DYNC1I2: variants seen among roughly 807,000 people sequenced by gnomAD.
The protein encoded by DYNC1I2 is dynein cytoplasmic 1 intermediate chain 2.
Under a neutral mutation model 88.6 loss-of-function variants are expected in DYNC1I2, and 53 were observed. The ratio of observed to expected loss-of-function variants is 0.60; its 90% confidence interval spans 0.48 to 0.75. DYNC1I2 has a LOEUF of 0.75. Ranked by LOEUF, DYNC1I2 falls within the 30% of genes least tolerant of loss-of-function variation. The pLI, the probability that DYNC1I2 is intolerant of heterozygous loss-of-function variation, is 0.00. For synonymous variants in DYNC1I2, 198 were observed against 254.6 expected (o/e 0.78, Z 2.12); for missense variants, 458 against 766.6 (o/e 0.60, Z 4.75).
chr2:171,733,326 T>G (rs190455024), intron 15 of DYNC1I2, among the ~76,000 whole-genome samples: 125 of 152,340 alleles, frequency 8.2e-4, no homozygotes, highest in African/African-American at 2.9e-3. Flanking sequence ...ATATACCCAG[T>G]AATGGGATTG....
chr2:171,717,380 G>T (rs1213317031), intron 7 of DYNC1I2, among the ~76,000 whole-genome samples: 1 of 152,150 alleles, frequency 6.6e-6, no homozygotes, highest in Non-Finnish European at 1.5e-5. Flanking sequence ...CTCCCAAAGT[G>T]CTGGGATTAC....
chr2:171,699,853 C>G (rs933751329), intron 3 of DYNC1I2, among the ~76,000 whole-genome samples: 1 of 151,860 alleles, frequency 6.6e-6, no homozygotes, highest in Non-Finnish European at 1.5e-5. Context: ...GTTACCCAGG[C>G]TGGTTTCAAG....
At position 171,747,863 on chromosome 2, in the gene DYNC1I2, G is replaced by A; in HGVS notation, c.1891G>A (p.Glu631Lys). The A allele has an allele frequency of 3.7e-6, 6 of 1,610,996 alleles. No individual in the cohort carries two copies. The highest frequency in any genetic ancestry group is 5.1e-6 in the Non-Finnish European group (6 of 1,179,310). ...TGCAAACCGAGCTGATGCAGAGGAG[G>A]AAGCAGCTACCCGAATACCTGCTTA... ...INANRADAEE[E>K]AATRIPA The change falls in exon 18 of 18, where the codon GAA becomes AAA. Residue 631 changes from glutamate (E) to lysine (K), a missense_variant. Glu to Lys is a moderately conservative substitution (Grantham distance 56, BLOSUM62 1). Coordinates refer to ENST00000397119, the MANE Select transcript of DYNC1I2 (RefSeq NM_001378.3).
chr2:171,726,755 C>T, intron 10 of DYNC1I2, 36 bp from the exon 11 acceptor site: 3 of 1,606,900 alleles, frequency 1.9e-6, no homozygotes, highest in Non-Finnish European at 2.5e-6. Flanking sequence ...TCTTATTATG[C>T]ATAGCATTTC....
intron 14 of DYNC1I2, 132 bp from the exon 15 acceptor site, chr2:171,729,577 A>G (rs1574605296): frequency 6.7e-6 from 6 of 900,202 alleles, no homozygotes; most frequent in South Asian, 1.8e-5. Context: ...GTTAATTCTG[A>G]TAAGTTATGA....
At chr2:171,728,028 TTAG>T in intron 12 of DYNC1I2, 61 bp downstream of exon 12, 1 of 1,529,434 alleles carries the variant, frequency 6.5e-7, no homozygotes, top group East Asian at 2.3e-5. Context: ...GCTATAATAC[TTAG>T]TAGTGGCCAT....
intron 5 of DYNC1I2, among the ~76,000 whole-genome samples, chr2:171,709,743 A>C (rs1686961222): frequency 6.6e-6 from 1 of 152,018 alleles, no homozygotes; most frequent in South Asian, 2.1e-4. Flanking sequence ...TTGAGATGGC[A>C]TTTCCTTCTT....
At chr2:171,733,472 T>G (rs1259117420) in intron 15 of DYNC1I2, among the ~76,000 whole-genome samples, 1 of 143,332 alleles carries the variant, frequency 7.0e-6, no homozygotes, top group Non-Finnish European at 1.5e-5. Context: ...TTTTTTTTTT[T>G]TTTTTTTTTT....
intron 15 of DYNC1I2, among the ~76,000 whole-genome samples, chr2:171,740,144 T>G (rs1253693512): frequency 6.6e-6 from 1 of 152,212 alleles, no homozygotes; most frequent in Admixed American, 6.5e-5. Flanking sequence ...TCAGTCTCGA[T>G]TTTGCATTCC....
At chr2:171,710,624 G>A (rs1339673791) in intron 5 of DYNC1I2, among the ~76,000 whole-genome samples, 2 of 151,850 alleles carry the variant, frequency 1.3e-5, no homozygotes, top group African/African-American at 4.8e-5. Flanking sequence ...TTAGGAAGCT[G>A]CATTACATTT....
At chr2:171,709,551 T>C (rs183713004) in intron 5 of DYNC1I2, among the ~76,000 whole-genome samples, 11 of 152,350 alleles carry the variant, frequency 7.2e-5, no homozygotes, top group Non-Finnish European at 1.6e-4. Context: ...GGTAGTGTGC[T>C]ATGTTTAGTG....
At chr2:171,712,404 C>G (rs1187600190) in intron 5 of DYNC1I2, 1 of 176,024 alleles carries the variant, frequency 5.7e-6, no homozygotes, top group African/African-American at 2.4e-5. Context: ...AAATTTCAAC[C>G]ATTTTATAGC....
intron 11 of DYNC1I2, 63 bp downstream of exon 11, chr2:171,726,979 G>T: frequency 3.5e-6 from 5 of 1,445,356 alleles, no homozygotes; most frequent in Non-Finnish European, 4.6e-6. Context: ...ATTAAGACAA[G>T]TGCCTTTTTT....
intron 3 of DYNC1I2, among the ~76,000 whole-genome samples, chr2:171,700,043 G>C (rs750953495): frequency 2.6e-5 from 4 of 152,060 alleles, no homozygotes; most frequent in Admixed American, 6.5e-5. Flanking sequence ...AGCTTAGCTA[G>C]GTGGTTCTGG....
In DYNC1I2 at chr2:171,717,645, C is replaced by T. The variant is rs568661121; in HGVS notation, c.511+2202C>T. 9.2e-4 allele frequency among the ~76,000 whole-genome samples: 140 copies of T among 152,184 alleles called. 1 individual carries two copies. Among genetic ancestry groups the T allele is most frequent in the Non-Finnish European group, 1.7e-3 (113 of 68,006 alleles). ...CTAATACTGCAGGATTCTGTAATTT[C>T]TAGAAAATATTATTTTGTTAACTAG... On this transcript the variant is annotated intron_variant, in intron 7 of 17. Coordinates refer to ENST00000397119, the MANE Select transcript of DYNC1I2 (RefSeq NM_001378.3).
intron 15 of DYNC1I2, among the ~76,000 whole-genome samples, chr2:171,733,335 T>G (rs954469702): frequency 6.6e-6 from 1 of 152,206 alleles, no homozygotes; most frequent in Non-Finnish European, 1.5e-5. Flanking sequence ...GTAATGGGAT[T>G]GCCTGGTCAA....
At chr2:171,741,432 C>G (rs1424140791) in intron 15 of DYNC1I2, among the ~76,000 whole-genome samples, 1 of 152,174 alleles carries the variant, frequency 6.6e-6, no homozygotes, top group African/African-American at 2.4e-5. Context: ...TCTTCACCAA[C>G]ATTTGTTACT....
At position 171,745,936 on chromosome 2, in the gene DYNC1I2, C is replaced by T. The variant is rs1291033521; in HGVS notation, c.1803+9C>T. 3.1e-6 allele frequency: 5 copies of T among 1,613,114 alleles called. No homozygotes were observed. The highest frequency in any genetic ancestry group is 3.4e-6 in the Non-Finnish European group (4 of 1,179,392). ...TATACGATGTGGGAGAGGTATGGGACTCCCTGCCTGTAATTTTGACACATC... is the reference window on the plus strand; with the variant it reads ...TATACGATGTGGGAGAGGTATGGGATTCCCTGCCTGTAATTTTGACACATC... On this transcript the variant is annotated intron_variant, in intron 17 of 17. Coordinates refer to ENST00000397119, the MANE Select transcript of DYNC1I2 (RefSeq NM_001378.3).
intron 5 of DYNC1I2, among the ~76,000 whole-genome samples, chr2:171,710,122 T>TACACACACAC (rs55862813): frequency 1.1e-3 from 166 of 144,430 alleles, no homozygotes; most frequent in South Asian, 7.0e-3. Flanking sequence ...TATGTATATA[T>TACACACACAC]ACACACACAC....
Sources: gnomAD v4.1 joint callset for allele counts (sites outside exome capture counted in the v4.1 genomes callset) on GRCh38, gnomAD v4.1.1 for gene constraint, MANE v1.5 for transcripts, NCBI Gene and HGNC (gene_info 2026-07-23, HGNC 2026-07-21) for gene names.